Variants in ITPR1 observed in about 807,000 individuals in gnomAD.
The protein encoded by ITPR1 is inositol 1,4,5-trisphosphate receptor type 1.
A neutral mutation model predicts 318.4 loss-of-function variants in ITPR1; 96 were observed. That is an observed-to-expected ratio of 0.30 (90% CI 0.26 to 0.36). ITPR1 has a LOEUF of 0.36. ITPR1 is among the 10% of genes least tolerant of loss of function. The pLI is 1.00. For missense variants in ITPR1, 2,440 were observed against 3,460.2 expected, an observed-to-expected ratio of 0.71 and a Z score of 7.40; for synonymous variants, 1,312 against 1,289.9, an observed-to-expected ratio of 1.02 and a Z score of -0.37.
chr3:4,592,054 G>C (rs376703544), intron 4 of ITPR1, among the ~76,000 whole-genome samples: 2 of 152,106 alleles, frequency 1.3e-5, no homozygotes, highest in African/African-American at 4.8e-5. Context: ...GGTTAATTCC[G>C]AGCTGGGGTT....
At chr3:4,699,705 G>C (rs752100874) in intron 34 of ITPR1, 108 bp from the exon 35 acceptor site, 5 of 1,008,482 alleles carry the variant, frequency 5.0e-6, no homozygotes, top group Non-Finnish European at 7.5e-6. Flanking sequence ...TGGCCAGCAG[G>C]CCTTTACCTT....
At chr3:4,795,888 G>A (rs1277978121) in intron 53 of ITPR1, among the ~76,000 whole-genome samples, 1 of 152,202 alleles carries the variant, frequency 6.6e-6, no homozygotes, top group Non-Finnish European at 1.5e-5. Flanking sequence ...CTCCTCTTCT[G>A]TGATACATTC....
chr3:4,839,025 G>A (rs150578939), intron 61 of ITPR1, among the ~76,000 whole-genome samples: 100 of 152,322 alleles, frequency 6.6e-4, no homozygotes, highest in African/African-American at 2.3e-3. Context: ...TGAGGAATTA[G>A]AGTAAAGAAT....
chr3:4,661,730 G>T (rs962657081), intron 14 of ITPR1, among the ~76,000 whole-genome samples: 15 of 152,142 alleles, frequency 9.9e-5, no homozygotes, highest in Middle Eastern at 3.2e-3. Context: ...TCCTTATAAT[G>T]CTCCTCACTT....
chr3:4,566,341 G>A (rs1004258014), intron 4 of ITPR1, among the ~76,000 whole-genome samples: 2 of 152,106 alleles, frequency 1.3e-5, no homozygotes, highest in African/African-American at 2.4e-5. Flanking sequence ...CTTTATGTAT[G>A]AGTAGTAGTT....
chr3:4,683,780 T>A lies in ITPR1; in HGVS notation c.3480T>A (p.Asn1160Lys), dbSNP rs763168179. The A allele has an allele frequency of 1.2e-6, 2 of 1,613,578 alleles. No homozygotes were observed. Among genetic ancestry groups the A allele is most frequent in the Non-Finnish European group, 8.5e-7 (1 of 1,179,718 alleles). ...DETMDGASGE[N>K]EHKKTEEGNN... ...CTATGGATGGTGCATCTGGAGAAAA[T>A]GAACATAAGAAAACGGAGGTGAGTG... Residue 1160 changes from asparagine (N) to lysine (K), a missense_variant, in exon 28 of 62, where the codon AAT (asparagine) becomes AAA (lysine). By Grantham distance (94) the Asn-to-Lys change is moderately conservative. This residue lies in a region of ITPR1 where 86 missense variants were observed against 75.6 expected (regional missense o/e 1.14). Transcript: ENST00000649015.
At chr3:4,627,280 C>G (rs1056023938) in intron 4 of ITPR1, among the ~76,000 whole-genome samples, 8 of 152,042 alleles carry the variant, frequency 5.3e-5, no homozygotes, top group African/African-American at 1.9e-4. Context: ...GCATTAACAA[C>G]GTGGCAAAAC....
Position 4,795,179 on chromosome 3 carries a change from T to C in ITPR1, c.6923T>C (p.Val2308Ala). ...GCGTTTTTCTACCCGTTTAAGGGAG[T>C]CCGAGGAGGTACCCATATCTTTAAC... ...LVAFFYPFKG[V>A]RGGTLEPHWS... is the part of the protein sequence containing the mutation. The change falls in exon 53 of 62, where the codon GTC (valine) becomes GCC (alanine). Residue 2308 changes from valine to alanine, a missense_variant. By Grantham distance (64) the Val-to-Ala change is moderately conservative. This residue lies in a region of ITPR1 where 126 missense variants were observed against 150.8 expected (regional missense o/e 0.84). Coordinates refer to ENST00000649015, the MANE Select transcript of ITPR1 (RefSeq NM_001378452.1). 6.2e-7 allele frequency: 1 copy of C among 1,612,396 alleles called. No homozygotes were observed. Among genetic ancestry groups the C allele is most frequent in the Non-Finnish European group, 8.5e-7 (1 of 1,179,346 alleles).
At chr3:4,619,226 A>G (rs746356575) in intron 4 of ITPR1, among the ~76,000 whole-genome samples, 1 of 152,056 alleles carries the variant, frequency 6.6e-6, no homozygotes, top group Admixed American at 6.5e-5. Flanking sequence ...AAATTTTGCA[A>G]TGACATGTAT....
chr3:4,669,494 C>A (rs1000709325), intron 18 of ITPR1, among the ~76,000 whole-genome samples, 160 bp from the exon 19 acceptor site: 2 of 152,152 alleles, frequency 1.3e-5, no homozygotes, highest in Non-Finnish European at 2.9e-5. Flanking sequence ...TGGCATGTGG[C>A]TTTCTGGTGA....
chr3:4,683,554 A>T lies in ITPR1; in HGVS notation c.3327+3A>T. The stretch of plus-strand genomic sequence containing the variant: ...AGGTGCTCCAGGCCTTCAAACAGGT[A>T]GCTCAGGTCACCCACGTGTGTGTTG... On this transcript the variant is annotated splice_donor_region_variant and intron_variant, in intron 27 of 61. Transcript: ENST00000649015. 1 of 1,613,764 alleles carries T rather than the reference A, an allele frequency of 6.2e-7. No homozygotes were observed. The highest frequency in any genetic ancestry group is 8.5e-7 in the Non-Finnish European group (1 of 1,179,632).
intron 40 of ITPR1, among the ~76,000 whole-genome samples, chr3:4,724,795 C>G (rs2042392941): frequency 6.6e-6 from 1 of 152,118 alleles, no homozygotes; most frequent in African/African-American, 2.4e-5. Context: ...TCGAGGCATC[C>G]TTTTGTTGCT....
intron 44 of ITPR1, among the ~76,000 whole-genome samples, chr3:4,756,604 C>T (rs959748661): frequency 3.9e-5 from 6 of 152,034 alleles, no homozygotes; most frequent in South Asian, 4.2e-4. Flanking sequence ...TTCCTGCATT[C>T]GTTTGCTGAG....
chr3:4,779,700 G>A lies in ITPR1; in HGVS notation c.6387+55G>A. ...ACCAAGGAGCATTGCGACGATATTT[G>A]GGACAGAGCAGAGGATCTGCTTCCT... On this transcript the variant is annotated intron_variant, in intron 49 of 61. Transcript: ENST00000649015. The surrounding 1 kb of genome is among the most constrained non-coding windows in gnomAD (Gnocchi z 4.0). 2 of 1,262,086 alleles carry A rather than the reference G, an allele frequency of 1.6e-6. No homozygotes were observed. Among genetic ancestry groups the A allele is most frequent in the African/African-American group, 2.9e-5 (2 of 68,158 alleles). The allele number at this position is 1,262,086 out of a possible 1,614,324, so 78.2% of individuals were successfully genotyped here.
intron 54 of ITPR1, among the ~76,000 whole-genome samples, chr3:4,804,995 A>T (rs2048469558): frequency 6.6e-6 from 1 of 152,108 alleles, no homozygotes; most frequent in Non-Finnish European, 1.5e-5. Context: ...TTTTTCTGTC[A>T]ACATATTGCT....
intron 44 of ITPR1, among the ~76,000 whole-genome samples, chr3:4,737,476 C>T (rs2043360007): frequency 6.6e-6 from 1 of 152,160 alleles, no homozygotes; most frequent in Middle Eastern, 3.2e-3. Flanking sequence ...AGAGAGGGCC[C>T]AGAGGTGTGA....
rs1042111508 is a variant in ITPR1 at position 4,846,737 on chromosome 3, C to T, written c.*512C>T. 3 of 152,702 alleles carry T rather than the reference C, an allele frequency of 2.0e-5. No individual in the cohort carries two copies. The highest frequency in any genetic ancestry group is 2.0e-4 in the Admixed American group (3 of 15,298). The allele number at this position is 152,702 out of a possible 1,614,324, so 9.5% of individuals were successfully genotyped here. ...AATTATATTAATAGTGAGTTTCAGG[C>T]CCCTGGGCATTTTGTACCATGTAAT... is the stretch of plus-strand genomic sequence containing the variant. On this transcript the variant is annotated 3_prime_UTR_variant, in exon 62 of 62. Transcript: ENST00000649015.
intron 2 of ITPR1, among the ~76,000 whole-genome samples, chr3:4,509,822 T>A (rs2081664812): frequency 6.6e-6 from 1 of 152,146 alleles, no homozygotes; most frequent in Non-Finnish European, 1.5e-5. Context: ...GTATAAACTC[T>A]TCTAGGCAGC....
At position 4,675,254 on chromosome 3, in the gene ITPR1, TATCTGAGGGTGCCCATAC is replaced by T. The variant is rs780703087; in HGVS notation, c.2779+14_2779+31del. The T allele has an allele frequency of 6.2e-7, 1 of 1,602,084 alleles. No individual in the cohort carries two copies. The highest frequency in any genetic ancestry group is 8.5e-7 in the Non-Finnish European group (1 of 1,174,716). ...TGATGTGGAGAAGCTGAAGAGTGAG[TATCTGAGGGTGCCCATAC>T]ATCTGAGAGATGCCCTCCAGCCTTT... On this transcript the variant is annotated splice_region_variant and intron_variant, in intron 23 of 61. Coordinates refer to ENST00000649015, the MANE Select transcript of ITPR1 (RefSeq NM_001378452.1).
Sources: allele counts gnomAD v4.1 joint callset (sites outside exome capture counted in the v4.1 genomes callset), GRCh38; gene constraint gnomAD v4.1.1; regional missense constraint gnomAD v4.1.1; non-coding constraint Gnocchi (gnomAD v3.1); transcripts MANE v1.5; gene names NCBI Gene and HGNC (gene_info 2026-07-23, HGNC 2026-07-21).